The following PDE7B variants were observed in gnomAD, a reference collection of about 807,000 sequenced individuals.
PDE7B encodes 3',5'-cyclic-AMP phosphodiesterase 7B.
PDE7B carries 29 observed loss-of-function variants against 56.2 expected under a neutral mutation model. That is an observed-to-expected ratio of 0.52 (90% confidence interval 0.38 to 0.70). The LOEUF (loss-of-function observed/expected upper bound fraction) is 0.70. Ranked by LOEUF, PDE7B falls within the 30% of genes least tolerant of loss-of-function variation. The pLI is 0.00. For synonymous variants in PDE7B, 197 were observed against 196.9 expected (o/e 1.00, Z 0.00); for missense variants, 490 against 565.0 (o/e 0.87, Z 1.35).
intron 1 of PDE7B, among the ~76,000 whole-genome samples, chr6:135,897,617 TAG>T (rs1333873494): frequency 5.9e-5 from 9 of 152,244 alleles, no homozygotes; most frequent in Middle Eastern, 3.4e-3. Flanking sequence ...AATATAAGGC[TAG>T]ACAATTAAGA....
intron 6 of PDE7B, among the ~76,000 whole-genome samples, 184 bp from the exon 7 acceptor site, chr6:136,153,891 C>G (rs1479534290): frequency 6.6e-6 from 1 of 152,158 alleles, no homozygotes; most frequent in Non-Finnish European, 1.5e-5. Context: ...CATCTCTGCT[C>G]TCTGCTAAAA....
chr6:135,933,008 T>C (rs904566578), intron 1 of PDE7B, among the ~76,000 whole-genome samples: 5 of 152,180 alleles, frequency 3.3e-5, no homozygotes, highest in African/African-American at 1.2e-4. Flanking sequence ...GCTGAAAACC[T>C]TCTGTGTGTT....
rs139716929 is a variant in PDE7B, at chr6:135,955,250, A to G, written c.82+7726A>G. ...AAACAATGACAACATAGCATGATAAACCACAATCAGGAGAGCCCAGGTCTT... is the reference window on the plus strand; with the variant it reads ...AAACAATGACAACATAGCATGATAAGCCACAATCAGGAGAGCCCAGGTCTT... On this transcript the variant is annotated intron_variant, in intron 2 of 12. Transcript: ENST00000308191. 1.4e-4 allele frequency among the ~76,000 whole-genome samples: 21 copies of G among 152,056 alleles called. No individual in the cohort carries two copies. The East Asian group carries it at 4.1e-3, about 30-fold the overall frequency.
chr6:135,923,351 T>A (rs1489565261), intron 1 of PDE7B, among the ~76,000 whole-genome samples: 1 of 152,202 alleles, frequency 6.6e-6, no homozygotes, highest in Admixed American at 6.5e-5. Flanking sequence ...AAATATCTGA[T>A]AACTAAAATT....
chr6:136,161,616 C>T (rs895819422), intron 8 of PDE7B, among the ~76,000 whole-genome samples: 4 of 152,120 alleles, frequency 2.6e-5, no homozygotes, highest in African/African-American at 9.7e-5. Flanking sequence ...GAACCCATTG[C>T]AGTAATAATT....
At chr6:136,059,020 A>G (rs1425169655) in intron 2 of PDE7B, among the ~76,000 whole-genome samples, 2 of 152,220 alleles carry the variant, frequency 1.3e-5, no homozygotes, top group Non-Finnish European at 2.9e-5. Flanking sequence ...AGATGCATGA[A>G]TTATGAATGA....
chr6:136,002,335 A>G (rs896058978), intron 2 of PDE7B, among the ~76,000 whole-genome samples: 3 of 152,218 alleles, frequency 2.0e-5, no homozygotes, highest in South Asian at 2.1e-4. Flanking sequence ...GACAGGATCA[A>G]ATTCACACAT....
chr6:135,947,433 TAAAA>T (rs200598639), intron 1 of PDE7B, 27 bp from the exon 2 acceptor site: 37,622 of 1,553,738 alleles, frequency 0.024, 542 homozygotes, highest in Non-Finnish European at 0.029. Flanking sequence ...TATGAAATCT[TAAAA>T]TAACCTTGGC....
intron 9 of PDE7B, among the ~76,000 whole-genome samples, chr6:136,176,592 C>T (rs183188112): frequency 1.3e-5 from 2 of 152,100 alleles, no homozygotes; most frequent in Non-Finnish European, 2.9e-5. Context: ...CAATAGAATA[C>T]GCATCCTTGT....
intron 2 of PDE7B, among the ~76,000 whole-genome samples, chr6:136,019,351 C>T (rs1325112767): frequency 6.7e-6 from 1 of 150,306 alleles, no homozygotes; most frequent in Admixed American, 6.6e-5. Context: ...ATGAAAATAA[C>T]TAATAAAGAA....
chr6:135,864,078 G>A (rs1775204647), intron 1 of PDE7B, among the ~76,000 whole-genome samples: 1 of 151,822 alleles, frequency 6.6e-6, no homozygotes, highest in Non-Finnish European at 1.5e-5. Flanking sequence ...CTTTCCGTTA[G>A]CTTTAGCTTG....
intron 2 of PDE7B, among the ~76,000 whole-genome samples, chr6:135,962,951 G>A (rs1180862127): frequency 6.6e-6 from 1 of 152,170 alleles, no homozygotes; most frequent in Non-Finnish European, 1.5e-5. Context: ...GGAAAGTCAA[G>A]TAACTGAGGT....
At chr6:135,979,855 G>T (rs1022996369) in intron 2 of PDE7B, among the ~76,000 whole-genome samples, 4 of 152,086 alleles carry the variant, frequency 2.6e-5, no homozygotes, top group African/African-American at 9.7e-5. Context: ...CGTGAAAATG[G>T]CCATACTGCC....
chr6:135,969,247 A>G (rs1248233535), intron 2 of PDE7B, among the ~76,000 whole-genome samples: 3 of 152,172 alleles, frequency 2.0e-5, no homozygotes, highest in African/African-American at 7.2e-5. Flanking sequence ...GCAAACCACC[A>G]TGGTACACGT....
chr6:136,089,457 A>G (rs1187666685), intron 2 of PDE7B, among the ~76,000 whole-genome samples: 1 of 152,234 alleles, frequency 6.6e-6, no homozygotes, highest in African/African-American at 2.4e-5. Context: ...CCATTTCTCC[A>G]GCTCCCATCT....
Position 136,109,808 on chromosome 6 carries a change from G to A in PDE7B, c.166+994G>A, listed in dbSNP as rs115141009. On this transcript the variant is annotated intron_variant, in intron 3 of 12. Coordinates refer to ENST00000308191, the MANE Select transcript of PDE7B (RefSeq NM_018945.4). Reference sequence around the variant, plus strand: ...CATAATCATCCTTCACTGTAGACTTGTGGGGGAGGTGGAAGAGCAAGTGGA... The same window carrying A: ...CATAATCATCCTTCACTGTAGACTTATGGGGGAGGTGGAAGAGCAAGTGGA... Among the ~76,000 whole-genome samples the A allele has an allele frequency of 4.1e-3, 629 of 152,334 alleles. 2 individuals are homozygous for A. The highest frequency in any genetic ancestry group is 0.015 in the African/African-American group (606 of 41,566).
At chr6:136,085,663 C>CAAAG (rs1391822472) in intron 2 of PDE7B, among the ~76,000 whole-genome samples, 5 of 152,232 alleles carry the variant, frequency 3.3e-5, no homozygotes, top group African/African-American at 1.2e-4. Context: ...GCACTGAAGG[C>CAAAG]AAAGAGTGGA....
chr6:135,884,316 C>G (rs528278606), intron 1 of PDE7B, among the ~76,000 whole-genome samples: 2 of 152,152 alleles, frequency 1.3e-5, no homozygotes, highest in African/African-American at 2.4e-5. Context: ...TTAAAGCATG[C>G]TCCAGTGGCG....
At chr6:136,093,162 G>T (rs1395019293) in intron 2 of PDE7B, among the ~76,000 whole-genome samples, 1 of 152,194 alleles carries the variant, frequency 6.6e-6, no homozygotes, top group Non-Finnish European at 1.5e-5. Context: ...TACCCAGTAT[G>T]ATGGCTGTGA....
Sources: allele counts gnomAD v4.1 joint callset (sites outside exome capture counted in the v4.1 genomes callset), GRCh38; gene constraint gnomAD v4.1.1; transcripts MANE v1.5; gene names NCBI Gene and HGNC (gene_info 2026-07-23, HGNC 2026-07-21).